Variants in MCC observed in about 807,000 individuals in gnomAD.
MCC encodes the protein colorectal mutant cancer protein.
A neutral mutation model predicts 116.2 loss-of-function variants in MCC; 90 were observed. The observed-to-expected ratio is 0.77, with a 90% CI of 0.65 to 0.92. The LOEUF (loss-of-function observed/expected upper bound fraction) is 0.92, where lower values mean the gene tolerates loss of function less well. MCC is among the 40% of genes least tolerant of loss of function. The pLI, the probability that MCC is intolerant of heterozygous loss-of-function variation, is 0.00. For missense variants in MCC, 1,516 were observed against 1,312.2 expected (o/e 1.16, Z -2.40); for synonymous variants, 578 against 510.5 (o/e 1.13, Z -1.78).
At chr5:113,350,792 G>A (rs551326128) in intron 2 of MCC, among the ~76,000 whole-genome samples, 2 of 151,980 alleles carry the variant, frequency 1.3e-5, no homozygotes, top group Non-Finnish European at 2.9e-5. Context: ...CATTTGACAA[G>A]AGAATAGTAA....
intron 3 of MCC, among the ~76,000 whole-genome samples, chr5:113,189,223 A>G (rs762566666): frequency 6.6e-5 from 10 of 152,204 alleles, no homozygotes; most frequent in Non-Finnish European, 1.5e-4. Flanking sequence ...AAGAGCTGGC[A>G]TCTTATATCA....
chr5:113,305,550 T>A (rs1766966924), intron 3 of MCC, among the ~76,000 whole-genome samples: 1 of 152,178 alleles, frequency 6.6e-6, no homozygotes. Context: ...CCTTCCTTCA[T>A]CTTCTCTTCC....
chr5:113,251,911 G>T (rs1413381219), intron 3 of MCC, among the ~76,000 whole-genome samples: 2 of 152,170 alleles, frequency 1.3e-5, no homozygotes, highest in African/African-American at 4.8e-5. Flanking sequence ...CATGCAAAAA[G>T]AAGAGGAACA....
intron 7 of MCC, among the ~76,000 whole-genome samples, chr5:113,102,541 T>C (rs1191806999): frequency 6.6e-6 from 1 of 152,192 alleles, no homozygotes; most frequent in Non-Finnish European, 1.5e-5. Flanking sequence ...AGGAAGCTCA[T>C]TGTGGAGATT....
chr5:113,079,063 A>C (rs948510213), intron 11 of MCC, among the ~76,000 whole-genome samples: 6 of 152,268 alleles, frequency 3.9e-5, no homozygotes, highest in East Asian at 1.9e-4. Context: ...TTCACAACTG[A>C]TTCAAAGAGA....
intron 3 of MCC, among the ~76,000 whole-genome samples, chr5:113,206,904 C>T (rs1429799989): frequency 6.6e-6 from 1 of 152,170 alleles, no homozygotes; most frequent in Non-Finnish European, 1.5e-5. Flanking sequence ...AGACAGGGGT[C>T]ATTACCCTTA....
At chr5:113,192,692 T>C (rs1390832149) in intron 3 of MCC, among the ~76,000 whole-genome samples, 1 of 152,316 alleles carries the variant, frequency 6.6e-6, no homozygotes, top group Non-Finnish European at 1.5e-5. Flanking sequence ...AGATGATACA[T>C]GCAAAGCACA....
rs1396939844 is a variant in MCC, at chr5:113,023,352, G to A, written c.*3950C>T. The A allele has an allele frequency of 1.3e-5, 2 of 152,212 alleles. No homozygotes were observed. Among genetic ancestry groups the A allele is most frequent in the African/African-American group, 4.8e-5 (2 of 41,458 alleles). 9.4% of individuals were successfully genotyped at this position (152,212 alleles called of 1,614,324 possible). A position where few individuals can be genotyped will look rare whatever the true frequency, so the allele number is the denominator to read the frequency against. ...GAGTGCTCAAAGGTGAATCAAACTT[G>A]TATATCATTCCTTGTCAAATAGGCT... is the stretch of plus-strand genomic sequence containing the variant. On this transcript the variant is annotated 3_prime_UTR_variant, in exon 19 of 19. Coordinates refer to ENST00000408903, the MANE Select transcript of MCC (RefSeq NM_001085377.2).
chr5:113,180,716 G>T lies in MCC; in HGVS notation c.628-29294C>A, dbSNP rs139982384. On this transcript the variant is annotated intron_variant, in intron 3 of 18. Transcript: ENST00000408903. ...TGTTAGATCTCAGCAGTATAAAAGA[G>T]ATCAATTTTTCCTCTATACAACAGA... 2.0e-3 allele frequency among the ~76,000 whole-genome samples: 299 copies of T among 152,242 alleles called. 1 individual carries two copies. Among genetic ancestry groups the T allele is most frequent in the African/African-American group, 6.9e-3 (287 of 41,536 alleles).
At chr5:113,162,181 C>G in intron 3 of MCC, among the ~76,000 whole-genome samples, 1 of 152,292 alleles carries the variant, frequency 6.6e-6, no homozygotes, top group East Asian at 1.9e-4. Context: ...CAACAATAGT[C>G]CCAACTCGGA....
intron 5 of MCC, among the ~76,000 whole-genome samples, chr5:113,125,944 A>G (rs6594683): frequency 0.51 from 78,078 of 152,046 alleles, 21,719 homozygotes; most frequent in East Asian, 0.72. Flanking sequence ...ATGTAAAAAC[A>G]TGGAAAAAAA....
At chr5:113,426,504 T>C (rs1445137685) in intron 1 of MCC, among the ~76,000 whole-genome samples, 1 of 152,184 alleles carries the variant, frequency 6.6e-6, no homozygotes, top group Non-Finnish European at 1.5e-5. Flanking sequence ...TTTTTCTTTT[T>C]TGAATTAGGT....
At chr5:113,341,637 A>G (rs992033848) in intron 2 of MCC, among the ~76,000 whole-genome samples, 2 of 152,162 alleles carry the variant, frequency 1.3e-5, no homozygotes, top group Non-Finnish European at 2.9e-5. Context: ...AAAGCCCCAC[A>G]GTGTGTGATT....
chr5:113,139,152 A>T (rs1759025880), intron 5 of MCC, among the ~76,000 whole-genome samples: 1 of 152,130 alleles, frequency 6.6e-6, no homozygotes, highest in Admixed American at 6.5e-5. Flanking sequence ...AACCAAGCCC[A>T]CTTCGACTCT....
chr5:113,172,663 T>C (rs992144269), intron 3 of MCC, among the ~76,000 whole-genome samples: 10 of 152,204 alleles, frequency 6.6e-5, no homozygotes, highest in Admixed American at 2.6e-4. Flanking sequence ...TACCATAACT[T>C]AGCCAACAGC....
At chr5:113,065,067 C>A (rs1305637826) in intron 13 of MCC, among the ~76,000 whole-genome samples, 3 of 152,078 alleles carry the variant, frequency 2.0e-5, no homozygotes, top group Admixed American at 6.5e-5. Context: ...TAGGTGGAGC[C>A]AGAGAACTTT....
At chr5:113,069,436 A>G (rs1343298567) in intron 12 of MCC, among the ~76,000 whole-genome samples, 1 of 152,272 alleles carries the variant, frequency 6.6e-6, no homozygotes, top group African/African-American at 2.4e-5. Context: ...ACATGTGTAC[A>G]GCATCCTCAG....
At chr5:113,110,481 C>T (rs140035306) in intron 6 of MCC, among the ~76,000 whole-genome samples, 7 of 152,322 alleles carry the variant, frequency 4.6e-5, no homozygotes, top group Admixed American at 3.3e-4. Flanking sequence ...GTACTTCATA[C>T]GTGGTGTGAA....
At chr5:113,215,624 A>T (rs1341478920) in intron 3 of MCC, among the ~76,000 whole-genome samples, 2 of 152,190 alleles carry the variant, frequency 1.3e-5, no homozygotes, top group East Asian at 3.8e-4. Context: ...GTGAGGACAC[A>T]GTGTTCTTCC....
Sources: allele counts gnomAD v4.1 joint callset (sites outside exome capture counted in the v4.1 genomes callset), GRCh38; gene constraint gnomAD v4.1.1; transcripts MANE v1.5; gene names NCBI Gene and HGNC (gene_info 2026-07-23, HGNC 2026-07-21).